The following PCDHGB4 variants were observed in gnomAD, a reference collection of about 807,000 sequenced individuals.
PCDHGB4 encodes the protein protocadherin gamma subfamily B, 4, also known as protocadherin gamma-B4.
PCDHGB4 carries 38 observed loss-of-function variants against 60.5 expected under a neutral mutation model. The ratio of observed to expected loss-of-function variants is 0.63; its 90% CI spans 0.48 to 0.82. The LOEUF (loss-of-function observed/expected upper bound fraction) is 0.82, where lower values mean the gene tolerates loss of function less well. Among genes scored for constraint, PCDHGB4 ranks in the 40% least tolerant of loss-of-function variants. The probability of loss-of-function intolerance (pLI) is 0.00; values close to 1 mark genes in which losing one functional copy is unlikely to be tolerated. For missense variants in PCDHGB4, 1,109 were observed against 1,209.6 expected (o/e 0.92, Z 1.23); for synonymous variants, 456 against 509.7 (o/e 0.89, Z 1.42).
intron 1 of PCDHGB4, among the ~76,000 whole-genome samples, chr5:141,467,772 C>A (rs972304213): frequency 1.3e-5 from 2 of 151,686 alleles, no homozygotes; most frequent in Admixed American, 6.6e-5. Flanking sequence ...AGTGCCCGCA[C>A]CTCAGCCTCT....
intron 1 of PCDHGB4, chr5:141,430,838 G>A (rs866767896): frequency 2.6e-6 from 4 of 1,562,908 alleles, no homozygotes; most frequent in Non-Finnish European, 3.5e-6. Context: ...GTGGGAGACC[G>A]GATGCACCCA....
In PCDHGB4 at chr5:141,431,643, A is replaced by G. The variant is rs528599572; in HGVS notation, c.2397+41362A>G. Reference sequence around the variant, plus strand: ...AAGGCGGCCCAAGTTTTCAAACTAGATTGTAATTCAGGGACAATATCAACA... The same window carrying G: ...AAGGCGGCCCAAGTTTTCAAACTAGGTTGTAATTCAGGGACAATATCAACA... On this transcript the variant is annotated intron_variant, in intron 1 of 3. Coordinates refer to ENST00000519479, the MANE Select transcript of PCDHGB4 (RefSeq NM_003736.4). The surrounding 1 kb of genome is among the most constrained non-coding windows in gnomAD (Gnocchi z 4.8). 5.0e-5 allele frequency: 81 copies of G among 1,614,240 alleles called. No individual in the cohort carries two copies. In the South Asian group the frequency reaches 7.4e-4, roughly 15 times the overall value.
rs777668071 is a variant in PCDHGB4 at position 141,491,848 on chromosome 5, C to G, written c.2398-2959C>G. The G allele has an allele frequency of 3.4e-6, 5 of 1,461,482 alleles. No homozygotes were observed. The highest frequency in any genetic ancestry group is 4.5e-6 in the Non-Finnish European group (5 of 1,104,578). 90.5% of individuals were successfully genotyped at this position (1,461,482 alleles called of 1,614,324 possible). A position where few individuals can be genotyped will look rare whatever the true frequency, so the allele number is the denominator to read the frequency against. ...CACCCGATTCTCGGGATCATTGGAC[C>G]GTTTGCGCGAAACCAGAGTGGCCGA... On this transcript the variant is annotated intron_variant, in intron 1 of 3. Transcript: ENST00000519479. The surrounding 1 kb of genome is among the most constrained non-coding windows in gnomAD (Gnocchi z 6.9).
chr5:141,394,493 C>T (rs749651115), intron 1 of PCDHGB4: 2 of 1,614,222 alleles, frequency 1.2e-6, no homozygotes, highest in Non-Finnish European at 1.7e-6. Flanking sequence ...ACAACGCGCC[C>T]GAGATCCTGT....
At chr5:141,500,241 C>T (rs1284996879) in intron 2 of PCDHGB4, among the ~76,000 whole-genome samples, 18 of 150,770 alleles carry the variant, frequency 1.2e-4, no homozygotes, top group Non-Finnish European at 1.5e-5. Flanking sequence ...CGTAGCCTTG[C>T]TCTGTCACCC....
chr5:141,493,338 A>G lies in PCDHGB4; in HGVS notation c.2398-1469A>G, dbSNP rs773870729. Among the ~76,000 whole-genome samples the G allele has an allele frequency of 6.6e-6, 1 of 152,162 alleles. No individual in the cohort carries two copies. The highest frequency in any genetic ancestry group is 1.5e-5 in the Non-Finnish European group (1 of 68,028). On this transcript the variant is annotated intron_variant, in intron 1 of 3. Transcript: ENST00000519479. This position sits in a 1 kb window ranked among gnomAD's most constrained non-coding sequence, Gnocchi z 4.3. ...GATTCTAACCCCTGTCTAACTCCAG[A>G]ATGTGTGCTTTTAATTTCTTGGCAC...
intron 1 of PCDHGB4, chr5:141,399,810 C>A (rs148150333): frequency 2.5e-6 from 4 of 1,613,076 alleles, no homozygotes; most frequent in Middle Eastern, 1.7e-4. Flanking sequence ...TGCTGTACCC[C>A]GCGCTGGGTC....
chr5:141,413,756 A>G, intron 1 of PCDHGB4: 1 of 1,613,042 alleles, frequency 6.2e-7, no homozygotes, highest in South Asian at 1.1e-5. Context: ...AATGGCGTCA[A>G]GTACCCGGAG....
chr5:141,430,997 C>T, intron 1 of PCDHGB4: 1 of 1,613,926 alleles, frequency 6.2e-7, no homozygotes, highest in Non-Finnish European at 8.5e-7. Context: ...CCTGAATCCG[C>T]GCAGCGGCAG....
Position 141,485,746 on chromosome 5 carries a change from C to T in PCDHGB4, c.2398-9061C>T, listed in dbSNP as rs1297635523. ...AGAAGCGCAGCGACGGCAGCCTGGT[C>T]CCAGAGCTGCTCCTGGAGAAGCCTT... On this transcript the variant is annotated intron_variant, in intron 1 of 3. Coordinates refer to ENST00000519479, the MANE Select transcript of PCDHGB4 (RefSeq NM_003736.4). The surrounding 1 kb of genome is among the most constrained non-coding windows in gnomAD (Gnocchi z 5.7). 6.2e-7 allele frequency: 1 copy of T among 1,614,128 alleles called. No individual in the cohort carries two copies. The highest frequency in any genetic ancestry group is 2.2e-5 in the East Asian group (1 of 44,880).
intron 1 of PCDHGB4, among the ~76,000 whole-genome samples, chr5:141,434,029 A>C (rs970204484): frequency 2.6e-5 from 4 of 152,126 alleles, no homozygotes; most frequent in Admixed American, 2.6e-4. Context: ...TTCTGGAAGC[A>C]TGGTTTTCTA....
chr5:141,454,564 G>A (rs896426143), intron 1 of PCDHGB4, among the ~76,000 whole-genome samples: 1 of 151,874 alleles, frequency 6.6e-6, no homozygotes, highest in Non-Finnish European at 1.5e-5. Context: ...GTGCCACCAC[G>A]CCCGGCTAAT....
chr5:141,464,655 G>T (rs1326749316), intron 1 of PCDHGB4, among the ~76,000 whole-genome samples: 1 of 152,070 alleles, frequency 6.6e-6, no homozygotes. Flanking sequence ...TGGGTAAAAA[G>T]ATATCTCCAA....
intron 1 of PCDHGB4, among the ~76,000 whole-genome samples, chr5:141,472,980 C>CA (rs60579131): frequency 0.042 from 3,623 of 85,966 alleles, 71 homozygotes; most frequent in South Asian, 0.079. Context: ...GAGTGAAACT[C>CA]AAAAAAAAAA....
At chr5:141,398,437 C>G (rs2093656645) in intron 1 of PCDHGB4, 20 of 1,556,582 alleles carry the variant, frequency 1.3e-5, no homozygotes, top group Non-Finnish European at 1.8e-5. Flanking sequence ...AGCTTGTGCT[C>G]TGGAATTTGA....
intron 1 of PCDHGB4, among the ~76,000 whole-genome samples, chr5:141,462,030 T>C (rs1283795051): frequency 3.9e-5 from 6 of 152,122 alleles, no homozygotes; most frequent in Non-Finnish European, 8.8e-5. Flanking sequence ...TTCATGTTGG[T>C]CAGGCGGGTC....
At chr5:141,492,601 C>T (rs1374321466) in intron 1 of PCDHGB4, among the ~76,000 whole-genome samples, 2 of 152,220 alleles carry the variant, frequency 1.3e-5, no homozygotes, top group East Asian at 3.9e-4. Context: ...GGAGCGACTG[C>T]CGCTCTAAGT....
chr5:141,395,547 TGTGTGTGTGTGTGTGTGTGTGTG>T, intron 1 of PCDHGB4: 1 of 173,894 alleles, frequency 5.8e-6, no homozygotes, highest in Non-Finnish European at 1.2e-5. Context: ...ATTGTTTGTG[TGTGTGTGTGTGTGTGTGTGTGTG>T]TGTGTGTGTG....
intron 1 of PCDHGB4, chr5:141,416,827 T>A (rs981344540): frequency 1.2e-4 from 18 of 152,268 alleles, no homozygotes; most frequent in African/African-American, 3.9e-4. Context: ...CCGAAGTTTC[T>A]CAAGACCCTT....
Sources: gnomAD v4.1 joint callset for allele counts (sites outside exome capture counted in the v4.1 genomes callset) on GRCh38, gnomAD v4.1.1 for gene constraint, Gnocchi (gnomAD v3.1) non-coding constraint, MANE v1.5 for transcripts, NCBI Gene and HGNC (gene_info 2026-07-23, HGNC 2026-07-21) for gene names.